Variants in CAST observed in about 807,000 individuals in gnomAD.
CAST encodes the protein MIR583 host.
A neutral mutation model predicts 119.6 loss-of-function variants in CAST; 76 were observed. The observed-to-expected ratio is 0.64, with a 90% CI of 0.53 to 0.77. CAST has a LOEUF of 0.77. Among genes scored for constraint, CAST ranks in the 30% least tolerant of loss-of-function variants. The pLI, the probability that CAST is intolerant of heterozygous loss-of-function variation, is 0.00. For missense variants in CAST, 953 were observed against 946.5 expected, an observed-to-expected ratio of 1.01 and a Z score of -0.09; for synonymous variants, 319 against 331.6, an observed-to-expected ratio of 0.96 and a Z score of 0.41.
the CAST span, among the ~76,000 whole-genome samples, chr5:96,446,444 A>T: frequency 1.3e-5 from 2 of 152,090 alleles, no homozygotes; most frequent in Non-Finnish European, 2.9e-5. Context: ...CAGCCCCATC[A>T]CTCATATGTT....
Position 96,684,766 on chromosome 5 carries a change from C to T in CAST, c.138+9165C>T, listed in dbSNP as rs552217873. On this transcript the variant is annotated intron_variant, in intron 2 of 31. Coordinates refer to ENST00000675179, the MANE Select transcript of CAST (RefSeq NM_001750.7). ...AATATTTTTAGTAGAGACAGGGTTTCGCCATGTTGCCCAGGCTAGTCTCGA... is the reference window on the plus strand; with the variant it reads ...AATATTTTTAGTAGAGACAGGGTTTTGCCATGTTGCCCAGGCTAGTCTCGA... 1.1e-4 allele frequency among the ~76,000 whole-genome samples: 16 copies of T among 152,084 alleles called. No individual in the cohort carries two copies. In the South Asian group the frequency reaches 2.1e-3, roughly 20 times the overall value.
the CAST span, among the ~76,000 whole-genome samples, chr5:96,264,471 C>T: frequency 6.9e-6 from 1 of 145,896 alleles, no homozygotes; most frequent in Non-Finnish European, 1.5e-5. Context: ...AGAAAAACCT[C>T]TTTCTTGATA....
At chr5:96,514,455 A>G in the CAST span, among the ~76,000 whole-genome samples, 3 of 152,198 alleles carry the variant, frequency 2.0e-5, no homozygotes, top group African/African-American at 7.2e-5. Context: ...AAGTGAATGA[A>G]TGAATGAATG....
the CAST span, among the ~76,000 whole-genome samples, chr5:96,186,959 G>A: frequency 6.6e-6 from 1 of 152,152 alleles, no homozygotes; most frequent in Non-Finnish European, 1.5e-5. Context: ...GTAGAATTCA[G>A]CTGTGAATCC....
At chr5:96,682,669 G>A (rs904742628) in intron 2 of CAST, among the ~76,000 whole-genome samples, 1 of 152,100 alleles carries the variant, frequency 6.6e-6, no homozygotes, top group Admixed American at 6.5e-5. Flanking sequence ...CTTGTCAGCT[G>A]TGATGAGCAC....
chr5:96,375,350 T>G, the CAST span, among the ~76,000 whole-genome samples: 1 of 152,150 alleles, frequency 6.6e-6, no homozygotes, highest in Admixed American at 6.6e-5. Flanking sequence ...TACAAGAGAT[T>G]GTTAAATTGC....
At chr5:96,257,873 T>A in the CAST span, among the ~76,000 whole-genome samples, 3 of 152,212 alleles carry the variant, frequency 2.0e-5, no homozygotes, top group African/African-American at 7.2e-5. Context: ...CTTTTTGCCA[T>A]CCACAGTCGT....
chr5:96,561,862 G>A (rs1180009527), intron 1 of CAST, among the ~76,000 whole-genome samples: 35 of 133,552 alleles, frequency 2.6e-4, no homozygotes, highest in Non-Finnish European at 4.2e-4. Flanking sequence ...GCGCGATCTC[G>A]GCTCACTGCA....
At chr5:96,283,169 A>G in the CAST span, among the ~76,000 whole-genome samples, 1 of 151,740 alleles carries the variant, frequency 6.6e-6, no homozygotes, top group Non-Finnish European at 1.5e-5. Context: ...TACAGGGTAT[A>G]ATCATTGACC....
chr5:96,150,193 C>T, the CAST span, among the ~76,000 whole-genome samples: 1 of 152,134 alleles, frequency 6.6e-6, no homozygotes, highest in South Asian at 2.1e-4. Flanking sequence ...GGCTGAGGCA[C>T]CAGAGAACAA....
chr5:96,740,637 T>C lies in CAST; in HGVS notation c.880-108T>C, dbSNP rs528453836. 518 of 767,600 alleles carry C rather than the reference T, an allele frequency of 6.7e-4. 10 individuals are homozygous for C. The South Asian group carries it at 7.1e-3, about 11-fold the overall frequency. 47.5% of individuals were successfully genotyped at this position (767,600 alleles called of 1,614,324 possible). ...GTACTGGGGTTAAGACTTGAACATATAGATCTGGGGTGGGAGGCACAATTC... is the reference window on the plus strand; with the variant it reads ...GTACTGGGGTTAAGACTTGAACATACAGATCTGGGGTGGGAGGCACAATTC... On this transcript the variant is annotated intron_variant, in intron 12 of 31. Transcript: ENST00000675179.
the CAST span, among the ~76,000 whole-genome samples, chr5:96,290,690 A>G: frequency 6.6e-6 from 1 of 152,180 alleles, no homozygotes; most frequent in African/African-American, 2.4e-5. Flanking sequence ...TTCCTGGTTT[A>G]TATCTGAAAT....
intron 1 of CAST, among the ~76,000 whole-genome samples, chr5:96,606,391 T>G (rs1369255231): frequency 1.3e-5 from 2 of 152,162 alleles, no homozygotes; most frequent in East Asian, 3.8e-4. Flanking sequence ...ACTACATACT[T>G]GATGGAGTGA....
chr5:96,071,717 A>G, the CAST span, among the ~76,000 whole-genome samples: 4 of 152,064 alleles, frequency 2.6e-5, no homozygotes, highest in Non-Finnish European at 5.9e-5. Flanking sequence ...TTTTGTATCT[A>G]TCCTTTTTCC....
At chr5:96,711,948 G>A (rs1399436804) in intron 3 of CAST, among the ~76,000 whole-genome samples, 1 of 152,164 alleles carries the variant, frequency 6.6e-6, no homozygotes, top group African/African-American at 2.4e-5. Flanking sequence ...GAATAAATTA[G>A]CCATTTTGGA....
chr5:96,310,850 A>G, the CAST span, among the ~76,000 whole-genome samples: 2 of 145,666 alleles, frequency 1.4e-5, no homozygotes, highest in Non-Finnish European at 3.0e-5. Context: ...TTTGTAAATT[A>G]TGTCTTCTCA....
intron 16 of CAST, 120 bp downstream of exon 16, chr5:96,742,876 C>A: frequency 1.4e-6 from 1 of 721,802 alleles, no homozygotes; most frequent in Non-Finnish European, 2.4e-6. Flanking sequence ...GAGCATTCTT[C>A]ATTGTGCCTT....
the CAST span, among the ~76,000 whole-genome samples, chr5:96,057,591 T>C: frequency 6.6e-6 from 1 of 152,188 alleles, no homozygotes; most frequent in Non-Finnish European, 1.5e-5. Flanking sequence ...TTTTAACATG[T>C]GAGGCTCAGA....
the CAST span, among the ~76,000 whole-genome samples, chr5:96,130,923 T>C: frequency 6.6e-6 from 1 of 152,204 alleles, no homozygotes; most frequent in Admixed American, 6.5e-5. Flanking sequence ...TCCTACATCG[T>C]TGAGTGAAGT....
Sources: allele counts gnomAD v4.1 joint callset (sites outside exome capture counted in the v4.1 genomes callset), GRCh38; gene constraint gnomAD v4.1.1; transcripts MANE v1.5; gene names NCBI Gene and HGNC (gene_info 2026-07-23, HGNC 2026-07-21).